Variants in PEAR1 observed in about 807,000 individuals in gnomAD.
PEAR1 encodes the protein platelet endothelial aggregation receptor 1, also known as multiple EGF-like domains protein 12.
Under a neutral mutation model 131.2 loss-of-function variants are expected in PEAR1, and 113 were observed. The ratio of observed to expected loss-of-function variants is 0.86; its 90% confidence interval spans 0.74 to 1.01. PEAR1 has a LOEUF of 1.01. PEAR1 is among the 50% of genes least tolerant of loss of function. The pLI, the probability that PEAR1 is intolerant of heterozygous loss-of-function variation, is 0.00. For missense variants in PEAR1, 1,408 were observed against 1,391.1 expected (o/e 1.01, Z -0.19); for synonymous variants, 565 against 523.3 (o/e 1.08, Z -1.09).
rs147230264 is a variant in PEAR1 at position 156,910,694 on chromosome 1, C to T, written c.1902C>T (p.Asn634=). ...ACCACTCCTTCTGCCACCCCTCGAACGGGACCTGCTACTGCCTGGCTGGCT... is the reference window on the plus strand; with the variant it reads ...ACCACTCCTTCTGCCACCCCTCGAATGGGACCTGCTACTGCCTGGCTGGCT... ...CANHSFCHPS[N]GTCYCLAGWT... The change falls in exon 15 of 23, where the codon AAC becomes AAT. Residue 634 remains asparagine, a synonymous_variant. Coordinates refer to ENST00000292357, the MANE Select transcript of PEAR1 (RefSeq NM_001080471.3). 16 of 1,613,970 alleles carry T rather than the reference C, an allele frequency of 9.9e-6. No homozygotes were observed. Among genetic ancestry groups the T allele is most frequent in the Non-Finnish European group, 1.4e-5 (16 of 1,180,006 alleles).
intron 1 of PEAR1, among the ~76,000 whole-genome samples, chr1:156,899,911 G>C (rs1338495606): frequency 3.9e-5 from 6 of 152,256 alleles, no homozygotes; most frequent in South Asian, 2.1e-4. Context: ...CCCTTCTGCT[G>C]TCTCACTTCC....
intron 20 of PEAR1, 65 bp downstream of exon 20, chr1:156,913,588 AGTGT>A: frequency 6.2e-7 from 1 of 1,602,502 alleles, no homozygotes; most frequent in Non-Finnish European, 8.5e-7. Context: ...GCCGCGTCTG[AGTGT>A]GTGTGTCTGG....
chr1:156,908,339 A>G lies in PEAR1; in HGVS notation c.1114A>G (p.Ser372Gly), dbSNP rs778333643. The G allele has an allele frequency of 5.3e-6, 8 of 1,521,772 alleles. No individual in the cohort carries two copies. Among genetic ancestry groups the G allele is most frequent in the Non-Finnish European group, 7.0e-6 (8 of 1,137,064 alleles). The allele number at this position is 1,521,772 out of a possible 1,614,324, so 94.3% of individuals were successfully genotyped here. A position where few individuals can be genotyped will look rare whatever the true frequency, so the allele number is the denominator to read the frequency against. The change falls in exon 9 of 23, where the codon AGC becomes GGC. Residue 372 changes from serine to glycine, a missense_variant and splice_region_variant. Coordinates refer to ENST00000292357, the MANE Select transcript of PEAR1 (RefSeq NM_001080471.3). This position sits in a 1 kb window ranked among gnomAD's most constrained non-coding sequence, Gnocchi z 4.2. Reference sequence around the variant, plus strand: ...CACCTGCGACCGGGAGCACAGCCTCAGGTGGGCCGCGGGACATGTGGTCAA... The same window carrying G: ...CACCTGCGACCGGGAGCACAGCCTCGGGTGGGCCGCGGGACATGTGGTCAA... ...PCTCDREHSL[S>G]CHPMNGECSC... is the part of the protein sequence containing the mutation.
At chr1:156,897,136 C>T (rs1405007729) in intron 1 of PEAR1, among the ~76,000 whole-genome samples, 1 of 152,242 alleles carries the variant, frequency 6.6e-6, no homozygotes, top group Non-Finnish European at 1.5e-5. Flanking sequence ...TAGTTATTGC[C>T]TGTTGGGTGC....
At chr1:156,912,011 TTAGA>T (rs1651262191) in intron 15 of PEAR1, among the ~76,000 whole-genome samples, 2 of 152,206 alleles carry the variant, frequency 1.3e-5, no homozygotes, top group Admixed American at 6.5e-5. Flanking sequence ...GAAGTGGCTA[TTAGA>T]TAGTCAAGTG....
intron 1 of PEAR1, among the ~76,000 whole-genome samples, chr1:156,895,063 C>T (rs564609433): frequency 1.4e-4 from 22 of 152,312 alleles, no homozygotes; most frequent in African/African-American, 5.1e-4. Flanking sequence ...TTGAGGCCTC[C>T]GAAGGCCCAC....
chr1:156,906,565 G>A lies in PEAR1; in HGVS notation c.401-72G>A, dbSNP rs544197918. 43 of 1,590,488 alleles carry A rather than the reference G, an allele frequency of 2.7e-5. No individual in the cohort carries two copies. In the African/African-American group the frequency reaches 5.1e-4, roughly 19 times the overall value. ...TGTGGGGGCTGGGAGACAGAGGCTG[G>A]GAGACAGAGACGGGGAGGCTGGGGA... On this transcript the variant is annotated intron_variant, in intron 5 of 22. Transcript: ENST00000292357.
chr1:156,912,205 A>G (rs749689328), intron 15 of PEAR1, 42 bp from the exon 16 acceptor site: 2 of 1,569,406 alleles, frequency 1.3e-6, no homozygotes, highest in Non-Finnish European at 1.7e-6. Context: ...ATCCAGGAAA[A>G]GCTGTACCTG....
Position 156,908,849 on chromosome 1 carries a change from A to G in PEAR1, c.1290+20A>G. On this transcript the variant is annotated intron_variant, in intron 10 of 22. Coordinates refer to ENST00000292357, the MANE Select transcript of PEAR1 (RefSeq NM_001080471.3). The surrounding 1 kb of genome is among the most constrained non-coding windows in gnomAD (Gnocchi z 4.2). ...TACACGGTGAGGCGCGCCCGGCTGCAAGGAAGCGAGGCAGGTGGAGAGGCC... is the reference window on the plus strand; with the variant it reads ...TACACGGTGAGGCGCGCCCGGCTGCGAGGAAGCGAGGCAGGTGGAGAGGCC... 5 of 1,606,238 alleles carry G rather than the reference A, an allele frequency of 3.1e-6. No individual in the cohort carries two copies. Among genetic ancestry groups the G allele is most frequent in the Non-Finnish European group, 4.2e-6 (5 of 1,177,998 alleles).
rs1650032757 is a variant in PEAR1, at chr1:156,904,663, G to A, written c.102-85G>A. On this transcript the variant is annotated intron_variant, in intron 2 of 22. Transcript: ENST00000292357. ...CGTTGGGCTGTGGATTCCCCACTGT[G>A]GCCAAGCCCTCATGGCCATTTTCCC... 5 of 1,368,374 alleles carry A rather than the reference G, an allele frequency of 3.7e-6. No individual in the cohort carries two copies. The African/African-American group carries it at 5.8e-5, about 16-fold the overall frequency. 84.8% of individuals were successfully genotyped at this position (1,368,374 alleles called of 1,614,324 possible).
chr1:156,909,830 C>A lies in PEAR1; in HGVS notation c.1491C>A (p.Ala497=), dbSNP rs370870570. The A allele has an allele frequency of 1.9e-6, 3 of 1,613,894 alleles. No homozygotes were observed. Among genetic ancestry groups the A allele is most frequent in the Non-Finnish European group, 2.5e-6 (3 of 1,179,910 alleles). ...GTTGCAATGCCAGCTGCCAGTGTGC[C>A]CATGAGGCAGTCTGCAGCCCCCAAA... is the stretch of plus-strand genomic sequence containing the variant. ...GFSCNASCQC[A]HEAVCSPQTG... is the part of the protein sequence containing the mutation. Residue 497 remains alanine (A), a synonymous_variant, in exon 12 of 23, where the codon GCC becomes GCA. Transcript: ENST00000292357.
intron 15 of PEAR1, among the ~76,000 whole-genome samples, chr1:156,911,595 T>C (rs201248624): frequency 6.8e-6 from 1 of 147,956 alleles, no homozygotes; most frequent in Non-Finnish European, 1.5e-5. Context: ...CGCCCAGCCC[T>C]TTTTTTCTTT....
Position 156,908,092 on chromosome 1 carries a change from T to TG in PEAR1, c.903-32dup, listed in dbSNP as rs150532135. On this transcript the variant is annotated intron_variant, in intron 8 of 22. Coordinates refer to ENST00000292357, the MANE Select transcript of PEAR1 (RefSeq NM_001080471.3). This position sits in a 1 kb window ranked among gnomAD's most constrained non-coding sequence, Gnocchi z 4.2. ...CGGGCGGGAGACGGGAGGGAGGAGG[T>TG]GGGGCGCCGCCAGGCTCACTCAGCT... The TG allele has an allele frequency of 0.16, 221,921 of 1,396,360 alleles. 18,198 individuals are homozygous for TG. Among genetic ancestry groups the TG allele is most frequent in the East Asian group, 0.45 (17,749 of 39,210 alleles). The allele number at this position is 1,396,360 out of a possible 1,614,324, so 86.5% of individuals were successfully genotyped here.
Position 156,911,111 on chromosome 1 carries a change from C to T in PEAR1, c.1951+368C>T, listed in dbSNP as rs1313356323. Among the ~76,000 whole-genome samples the T allele has an allele frequency of 1.2e-3, 105 of 91,232 alleles. 2 individuals are homozygous for T. Among genetic ancestry groups the T allele is most frequent in the Non-Finnish European group, 1.4e-3 (67 of 46,392 alleles). 59.9% of individuals were successfully genotyped at this position (91,232 alleles called of 152,430 possible). Reference sequence around the variant, plus strand: ...TTTCTTTCCTTTCTTTCTTTCTTTTCTTTCTTCTTTCTTTCTTTCCTTTCT... The same window carrying T: ...TTTCTTTCCTTTCTTTCTTTCTTTTTTTTCTTCTTTCTTTCTTTCCTTTCT... On this transcript the variant is annotated intron_variant, in intron 15 of 22. Coordinates refer to ENST00000292357, the MANE Select transcript of PEAR1 (RefSeq NM_001080471.3).
At chr1:156,893,997 A>G (rs1341125808) in intron 1 of PEAR1, among the ~76,000 whole-genome samples, 160 bp downstream of exon 1, 3 of 152,156 alleles carry the variant, frequency 2.0e-5, no homozygotes, top group Non-Finnish European at 4.4e-5. Context: ...TGATGGAGAG[A>G]GACGTGAAGG....
chr1:156,901,071 A>G (rs1434937535), intron 1 of PEAR1, among the ~76,000 whole-genome samples: 1 of 151,780 alleles, frequency 6.6e-6, no homozygotes, highest in Non-Finnish European at 1.5e-5. Context: ...TCAAGCCAAA[A>G]CCTTCCTCTT....
intron 17 of PEAR1, 24 bp from the exon 18 acceptor site, chr1:156,912,746 G>A (rs753374125): frequency 6.2e-7 from 1 of 1,613,838 alleles, no homozygotes; most frequent in East Asian, 2.2e-5. Flanking sequence ...ATGCCATTCT[G>A]AGTGAGCACC....
Position 156,912,812 on chromosome 1 carries a change from C to T in PEAR1, c.2252C>T (p.Ala751Val), listed in dbSNP as rs201663935. ...PFTVMPTTPV[A>V]YNSLGAVIGI... ...ACTGTGATGCCGACCACTCCAGTAG[C>T]GTATAACTCGCTGGGTGCAGTGATT... The change falls in exon 18 of 23, where the codon GCG becomes GTG. Residue 751 changes from alanine (A) to valine (V), a missense_variant. By Grantham distance (64) the Ala-to-Val change is moderately conservative. Coordinates refer to ENST00000292357, the MANE Select transcript of PEAR1 (RefSeq NM_001080471.3). 1.9e-5 allele frequency: 30 copies of T among 1,614,214 alleles called. No homozygotes were observed. Among genetic ancestry groups the T allele is most frequent in the East Asian group, 2.2e-5 (1 of 44,892 alleles).
chr1:156,908,841 C>G lies in PEAR1; in HGVS notation c.1290+12C>G. On this transcript the variant is annotated intron_variant, in intron 10 of 22. Transcript: ENST00000292357. The surrounding 1 kb of genome is among the most constrained non-coding windows in gnomAD (Gnocchi z 4.2). ...CGCCGGGTTACACGGTGAGGCGCGC[C>G]CGGCTGCAAGGAAGCGAGGCAGGTG... 1 of 1,605,596 alleles carries G rather than the reference C, an allele frequency of 6.2e-7. No individual in the cohort carries two copies. The highest frequency in any genetic ancestry group is 8.5e-7 in the Non-Finnish European group (1 of 1,178,062).
Sources: allele counts gnomAD v4.1 joint callset (sites outside exome capture counted in the v4.1 genomes callset), GRCh38; gene constraint gnomAD v4.1.1; non-coding constraint Gnocchi (gnomAD v3.1); transcripts MANE v1.5; gene names NCBI Gene and HGNC (gene_info 2026-07-23, HGNC 2026-07-21).